The following SLC6A15 variants were observed in gnomAD, a reference collection of about 807,000 sequenced individuals.
The protein encoded by SLC6A15 is sodium-dependent neutral amino acid transporter B(0)AT2.
A neutral mutation model predicts 68.5 loss-of-function variants in SLC6A15; 33 were observed. That is an observed-to-expected ratio of 0.48 (90% CI 0.37 to 0.64). SLC6A15 has a LOEUF of 0.64. Ranked by LOEUF, SLC6A15 falls within the 30% of genes least tolerant of loss-of-function variation. SLC6A15 has a pLI of 0.00. For synonymous variants in SLC6A15, 347 were observed against 301.0 expected (o/e 1.15, Z -1.58); for missense variants, 747 against 874.3 (o/e 0.85, Z 1.84).
rs2120767853 is a variant in SLC6A15 at position 84,912,551 on chromosome 12, T to C, written c.-217A>G. 1 of 152,630 alleles carries C rather than the reference T, an allele frequency of 6.6e-6. No homozygotes were observed. Among genetic ancestry groups the C allele is most frequent in the East Asian group, 1.9e-4 (1 of 5,174 alleles). The allele number at this position is 152,630 out of a possible 1,614,324, so 9.5% of individuals were successfully genotyped here. A position where few individuals can be genotyped will look rare whatever the true frequency, so the allele number is the denominator to read the frequency against. On this transcript the variant is annotated 5_prime_UTR_variant, in exon 1 of 12. Coordinates refer to ENST00000266682, the MANE Select transcript of SLC6A15 (RefSeq NM_182767.6). Reference sequence around the variant, plus strand: ...CAGTGTGTCTTGACCAAGCGCCTCTTGCTGCTTCCACGTCCGGGCAGCAGC... The same window carrying C: ...CAGTGTGTCTTGACCAAGCGCCTCTCGCTGCTTCCACGTCCGGGCAGCAGC...
chr12:84,904,457 T>C (rs768512067), intron 1 of SLC6A15, among the ~76,000 whole-genome samples: 1 of 152,202 alleles, frequency 6.6e-6, no homozygotes, highest in Non-Finnish European at 1.5e-5. Context: ...TGTGTAGCAA[T>C]AGATATCTGA....
At chr12:84,902,336 T>C (rs1416767730) in intron 1 of SLC6A15, among the ~76,000 whole-genome samples, 2 of 152,036 alleles carry the variant, frequency 1.3e-5, no homozygotes, top group Non-Finnish European at 2.9e-5. Flanking sequence ...GGCTAAACTT[T>C]GTTTTTTAAA....
At chr12:84,890,158 T>C (rs1872322412) in intron 2 of SLC6A15, among the ~76,000 whole-genome samples, 1 of 152,210 alleles carries the variant, frequency 6.6e-6, no homozygotes, top group Non-Finnish European at 1.5e-5. Flanking sequence ...TTATAATATG[T>C]ACACTACTGC....
rs567861899 is a variant in SLC6A15 at position 84,897,437 on chromosome 12, T to C, written c.-188-5129A>G. Among the ~76,000 whole-genome samples, 3 of 152,142 alleles carry C rather than the reference T, an allele frequency of 2.0e-5. No individual in the cohort carries two copies. In the East Asian group the frequency reaches 5.8e-4, roughly 29 times the overall value. On this transcript the variant is annotated intron_variant, in intron 1 of 11. Transcript: ENST00000266682. ...TAGCCAAACACAATAATACAATTAA[T>C]AAAACACAAAATACTAAAAGAAAAG...
intron 8 of SLC6A15, among the ~76,000 whole-genome samples, chr12:84,871,443 C>T (rs1219067927): frequency 2.6e-5 from 4 of 151,794 alleles, no homozygotes; most frequent in Non-Finnish European, 1.5e-5. Flanking sequence ...AATTGAATTA[C>T]TTGCAAATAT....
intron 10 of SLC6A15, among the ~76,000 whole-genome samples, chr12:84,864,212 T>C (rs963560932): frequency 5.5e-4 from 83 of 151,654 alleles, no homozygotes; most frequent in African/African-American, 1.9e-3. Flanking sequence ...ACCTAATCAA[T>C]GTTATATTTT....
chr12:84,885,575 T>C lies in SLC6A15; in HGVS notation c.448-14A>G. ...AAAATAGCACACCTGCAAAATAAAA[T>C]GATATCCCATTAAACCTCTCATACC... On this transcript the variant is annotated splice_polypyrimidine_tract_variant and intron_variant, in intron 3 of 11. Transcript: ENST00000266682. The C allele has an allele frequency of 6.2e-7, 1 of 1,607,814 alleles. No individual in the cohort carries two copies. Among genetic ancestry groups the C allele is most frequent in the East Asian group, 2.2e-5 (1 of 44,532 alleles).
intron 2 of SLC6A15, among the ~76,000 whole-genome samples, chr12:84,886,531 C>CT (rs948182229): frequency 6.7e-6 from 1 of 149,942 alleles, no homozygotes; most frequent in African/African-American, 2.4e-5. Context: ...TTAACGTTGA[C>CT]TTTTTTTTCC....
intron 2 of SLC6A15, among the ~76,000 whole-genome samples, chr12:84,888,620 T>C (rs1872230907): frequency 1.3e-5 from 2 of 151,754 alleles, no homozygotes; most frequent in East Asian, 1.9e-4. Context: ...AAGGGGAAAA[T>C]TGGGATGGGG....
At chr12:84,903,002 C>A (rs1032524158) in intron 1 of SLC6A15, among the ~76,000 whole-genome samples, 2 of 152,074 alleles carry the variant, frequency 1.3e-5, no homozygotes, top group South Asian at 4.2e-4. Flanking sequence ...ATGGATTATA[C>A]CAGCATCAAT....
chr12:84,878,873 T>C (rs1378455467), intron 5 of SLC6A15, among the ~76,000 whole-genome samples: 1 of 147,846 alleles, frequency 6.8e-6, no homozygotes, highest in African/African-American at 2.4e-5. Context: ...ACAACACCTT[T>C]CAGTATGAAA....
chr12:84,887,576 C>T (rs1420449086), intron 2 of SLC6A15, among the ~76,000 whole-genome samples: 1 of 152,118 alleles, frequency 6.6e-6, no homozygotes, highest in African/African-American at 2.4e-5. Context: ...AAACAAAATT[C>T]TAATTCTAAA....
Position 84,870,687 on chromosome 12 carries a change from A to C in SLC6A15, c.1303-17T>G, listed in dbSNP as rs1458955325. The C allele has an allele frequency of 2.0e-5, 31 of 1,567,942 alleles. No individual in the cohort carries two copies. Among genetic ancestry groups the C allele is most frequent in the Non-Finnish European group, 2.0e-5 (23 of 1,143,922 alleles). On this transcript the variant is annotated splice_polypyrimidine_tract_variant and intron_variant, in intron 8 of 11. Coordinates refer to ENST00000266682, the MANE Select transcript of SLC6A15 (RefSeq NM_182767.6). Reference sequence around the variant, plus strand: ...CTGAACAGCCTGCAAAATACACAAAATAGCAACATTAGTACAGAGTAATTA... The same window carrying C: ...CTGAACAGCCTGCAAAATACACAAACTAGCAACATTAGTACAGAGTAATTA...
At chr12:84,882,210 T>C in intron 5 of SLC6A15, 8 of 985,384 alleles carry the variant, frequency 8.1e-6, no homozygotes, top group Non-Finnish European at 8.4e-6. Flanking sequence ...TGGTTTTCTT[T>C]CTACCAAATG....
intron 2 of SLC6A15, among the ~76,000 whole-genome samples, chr12:84,889,715 T>C (rs1872301503): frequency 6.6e-6 from 1 of 152,056 alleles, no homozygotes; most frequent in South Asian, 2.1e-4. Context: ...TAAGAATCCT[T>C]GGAGATAGAT....
intron 1 of SLC6A15, among the ~76,000 whole-genome samples, chr12:84,896,853 C>G (rs1324763772): frequency 6.6e-6 from 1 of 152,038 alleles, no homozygotes; most frequent in Non-Finnish European, 1.5e-5. Context: ...AGTGGATGAA[C>G]ACAAGAAATG....
At chr12:84,897,551 G>A (rs1459308217) in intron 1 of SLC6A15, among the ~76,000 whole-genome samples, 2 of 151,650 alleles carry the variant, frequency 1.3e-5, no homozygotes, top group East Asian at 1.9e-4. Flanking sequence ...GAATTCCTAG[G>A]GATTTCAAGC....
chr12:84,883,718 T>C (rs764108192), intron 5 of SLC6A15, 141 bp downstream of exon 5: 1 of 1,592,678 alleles, frequency 6.3e-7, no homozygotes, highest in South Asian at 1.1e-5. Context: ...ACTTTTGAAG[T>C]GTCACTTTTC....
chr12:84,887,009 C>A (rs1316914005), intron 2 of SLC6A15, among the ~76,000 whole-genome samples: 1 of 152,166 alleles, frequency 6.6e-6, no homozygotes, highest in Non-Finnish European at 1.5e-5. Context: ...GTGGTGTGAT[C>A]ACTGTTCACT....
Sources: allele counts gnomAD v4.1 joint callset (sites outside exome capture counted in the v4.1 genomes callset), GRCh38; gene constraint gnomAD v4.1.1; transcripts MANE v1.5; gene names NCBI Gene and HGNC (gene_info 2026-07-23, HGNC 2026-07-21).